Variants in PIK3CA observed in about 807,000 individuals in gnomAD.
The protein encoded by PIK3CA is phosphatidylinositol 4,5-bisphosphate 3-kinase catalytic subunit alpha isoform.
PIK3CA carries 27 observed loss-of-function variants against 138.2 expected under a neutral mutation model. The ratio of observed to expected loss-of-function variants is 0.20; its 90% CI spans 0.14 to 0.27. The LOEUF (loss-of-function observed/expected upper bound fraction) is 0.27. Ranked by LOEUF, PIK3CA falls within the 10% of genes least tolerant of loss-of-function variation. PIK3CA has a pLI of 1.00. For missense variants in PIK3CA, 544 were observed against 1,277.4 expected (o/e 0.43, Z 8.75); for synonymous variants, 358 against 413.2 (o/e 0.87, Z 1.62).
Position 179,224,061 on chromosome 3 carries a change from T to A in PIK3CA, c.2188-20T>A, listed in dbSNP as rs934909491. 4 of 1,350,284 alleles carry A rather than the reference T, an allele frequency of 3.0e-6. No homozygotes were observed. The African/African-American group carries it at 5.8e-5, about 20-fold the overall frequency. 83.6% of individuals were successfully genotyped at this position (1,350,284 alleles called of 1,614,324 possible). Reference sequence around the variant, plus strand: ...TATTAAGTCAGTTTCTTACTGTGACTATCCTTTTTTTTTAATCAGGTACAG... The same window carrying A: ...TATTAAGTCAGTTTCTTACTGTGACAATCCTTTTTTTTTAATCAGGTACAG... On this transcript the variant is annotated intron_variant, in intron 14 of 20. Coordinates refer to ENST00000263967, the MANE Select transcript of PIK3CA (RefSeq NM_006218.4).
intron 6 of PIK3CA, among the ~76,000 whole-genome samples, chr3:179,205,213 A>G (rs576819338): frequency 5.7e-4 from 87 of 151,966 alleles, no homozygotes; most frequent in Non-Finnish European, 1.1e-3. Context: ...CTCAAAATAT[A>G]TATATATTTT....
At chr3:179,191,772 G>A (rs1376951646) in intron 1 of PIK3CA, among the ~76,000 whole-genome samples, 4 of 152,054 alleles carry the variant, frequency 2.6e-5, no homozygotes, top group African/African-American at 9.7e-5. Flanking sequence ...AAGTAGCTGG[G>A]ATTACAGGCT....
At chr3:179,223,145 G>T (rs1439638260) in intron 14 of PIK3CA, among the ~76,000 whole-genome samples, 1 of 152,202 alleles carries the variant, frequency 6.6e-6, no homozygotes, top group Non-Finnish European at 1.5e-5. Context: ...AGTTGTCAGT[G>T]ATAGAAATGC....
intron 1 of PIK3CA, among the ~76,000 whole-genome samples, chr3:179,151,665 C>A (rs918054665): frequency 1.3e-5 from 2 of 152,082 alleles, no homozygotes; most frequent in Non-Finnish European, 2.9e-5. Flanking sequence ...TATATTTGGT[C>A]CTTGCTTCTT....
chr3:179,160,069 G>A (rs570316508), intron 1 of PIK3CA, among the ~76,000 whole-genome samples: 3 of 152,176 alleles, frequency 2.0e-5, no homozygotes, highest in African/African-American at 7.2e-5. Flanking sequence ...GAAGGCCCAC[G>A]ACATTACTAC....
rs114021154 is a variant in PIK3CA, at chr3:179,154,029, G to A, written c.-77+5426G>A. On this transcript the variant is annotated intron_variant, in intron 1 of 20. Coordinates refer to ENST00000263967, the MANE Select transcript of PIK3CA (RefSeq NM_006218.4). ...TTGATCCTGGTTAAGGACTTTTTAG[G>A]TGTTCTTTCTTTCCCTCTCTACCTA... Among the ~76,000 whole-genome samples the A allele has an allele frequency of 8.0e-3, 1,223 of 152,208 alleles. 11 individuals carry two copies. The highest frequency in any genetic ancestry group is 0.013 in the Non-Finnish European group (892 of 67,998).
chr3:179,226,306 A>G (rs1214841564), intron 17 of PIK3CA, among the ~76,000 whole-genome samples: 2 of 152,166 alleles, frequency 1.3e-5, no homozygotes, highest in Non-Finnish European at 2.9e-5. Flanking sequence ...GACAAAGGAG[A>G]CACAAAAGAC....
At position 179,226,184 on chromosome 3, in the gene PIK3CA, G is replaced by T. The variant is rs9823044; in HGVS notation, c.2495+144G>T. The stretch of plus-strand genomic sequence containing the variant: ...GTAGTTGATTACACTATAGTACTTT[G>T]ACATATCCTCCTCTTACTTAGAATA... On this transcript the variant is annotated intron_variant, in intron 17 of 20. Transcript: ENST00000263967. 34,044 of 425,122 alleles carry T rather than the reference G, an allele frequency of 0.08. 2,026 individuals carry two copies. Among genetic ancestry groups the T allele is most frequent in the African/African-American group, 0.3 (10,640 of 35,878 alleles). 26.3% of individuals were successfully genotyped at this position (425,122 alleles called of 1,614,324 possible).
intron 1 of PIK3CA, among the ~76,000 whole-genome samples, chr3:179,167,682 G>A (rs1025995033): frequency 6.6e-5 from 10 of 152,094 alleles, no homozygotes; most frequent in African/African-American, 1.7e-4. Context: ...TTACAACCAA[G>A]TAGAGTGCTA....
intron 4 of PIK3CA, among the ~76,000 whole-genome samples, chr3:179,202,929 T>A (rs1418230077): frequency 6.7e-6 from 1 of 149,422 alleles, no homozygotes; most frequent in South Asian, 2.1e-4. Context: ...ATGAGTATCC[T>A]GTGATCCTTG....
At chr3:179,222,685 G>A (rs1046526657) in intron 14 of PIK3CA, among the ~76,000 whole-genome samples, 6 of 152,256 alleles carry the variant, frequency 3.9e-5, no homozygotes, top group Admixed American at 1.3e-4. Context: ...TGGGAGCTGC[G>A]GCTCGCTGCT....
intron 1 of PIK3CA, among the ~76,000 whole-genome samples, chr3:179,150,038 G>T (rs1203237342): frequency 2.7e-5 from 4 of 148,514 alleles, no homozygotes; most frequent in Admixed American, 6.7e-5. Flanking sequence ...CCTTTTAACT[G>T]AAGCACTGAG....
intron 1 of PIK3CA, among the ~76,000 whole-genome samples, chr3:179,171,569 G>C (rs991998067): frequency 6.6e-6 from 1 of 151,988 alleles, no homozygotes; most frequent in Admixed American, 6.6e-5. Flanking sequence ...TATTACTACA[G>C]ATACTATAAA....
In PIK3CA at chr3:179,224,704, G is replaced by A; in HGVS notation, c.2299G>A (p.Glu767Lys). The change falls in exon 16 of 21, where the codon GAA becomes AAA. Residue 767 changes from glutamate to lysine, a missense_variant. By Grantham distance (56) the Glu-to-Lys change is moderately conservative (BLOSUM62 1). This residue lies in a region of PIK3CA where 35 missense variants were observed against 49.4 expected (regional missense o/e 0.71). Coordinates refer to ENST00000263967, the MANE Select transcript of PIK3CA (RefSeq NM_006218.4). Reference sequence around the variant, plus strand: ...AAGTTTTTAACTATTTTAAAGGCTTGAAGAGTGTCGAATTATGTCCTCTGC... The same window carrying A: ...AAGTTTTTAACTATTTTAAAGGCTTAAAGAGTGTCGAATTATGTCCTCTGC... ...PAHQLGNLRL[E>K]ECRIMSSAKR... 6.2e-7 allele frequency: 1 copy of A among 1,603,502 alleles called. No individual in the cohort carries two copies. Among genetic ancestry groups the A allele is most frequent in the Non-Finnish European group, 8.5e-7 (1 of 1,172,254 alleles).
rs9838117 is a variant in PIK3CA, at chr3:179,234,719, G to T, written c.*355G>T. ...AATGATGGAGAAGGAAAAAGTGATGGTTTTTTTTGTCTTGCAAATGTTCTA... is the reference window on the plus strand; with the variant it reads ...AATGATGGAGAAGGAAAAAGTGATGTTTTTTTTTGTCTTGCAAATGTTCTA... On this transcript the variant is annotated 3_prime_UTR_variant, in exon 21 of 21. Coordinates refer to ENST00000263967, the MANE Select transcript of PIK3CA (RefSeq NM_006218.4). This position sits in a 1 kb window ranked among gnomAD's most constrained non-coding sequence, Gnocchi z 5.1. The T allele has an allele frequency of 0.29, 69,281 of 241,382 alleles. 11,236 individuals carry two copies. The highest frequency in any genetic ancestry group is 0.48 in the African/African-American group (21,763 of 45,556). 15.0% of individuals were successfully genotyped at this position (241,382 alleles called of 1,614,324 possible). A position where few individuals can be genotyped will look rare whatever the true frequency, so the allele number is the denominator to read the frequency against.
rs993117674 is a variant in PIK3CA at position 179,219,332 on chromosome 3, T to C, written c.1746+55T>C. On this transcript the variant is annotated intron_variant, in intron 11 of 20. Transcript: ENST00000263967. The surrounding 1 kb of genome is among the most constrained non-coding windows in gnomAD (Gnocchi z 4.2). ...CTGTTGTACAAATTGGTATGTCACT[T>C]AAATTGTTTTCTCTCAGAAAGTCCA... 1 of 1,071,858 alleles carries C rather than the reference T, an allele frequency of 9.3e-7. No homozygotes were observed. Among genetic ancestry groups the C allele is most frequent in the African/African-American group, 1.6e-5 (1 of 64,326 alleles). The allele number at this position is 1,071,858 out of a possible 1,614,324, so 66.4% of individuals were successfully genotyped here.
chr3:179,148,890 T>C (rs1203351458), intron 1 of PIK3CA, among the ~76,000 whole-genome samples: 1 of 151,936 alleles, frequency 6.6e-6, no homozygotes, highest in Non-Finnish European at 1.5e-5. Context: ...ACGGGGCGGC[T>C]GGAGGTTGAG....
chr3:179,202,802 C>CA (rs1724449079), intron 4 of PIK3CA, among the ~76,000 whole-genome samples: 1 of 151,896 alleles, frequency 6.6e-6, no homozygotes, highest in South Asian at 2.1e-4. Flanking sequence ...AATGTTTGGA[C>CA]AAAAAAGCAA....
chr3:179,194,153 T>C (rs190545378), intron 1 of PIK3CA, among the ~76,000 whole-genome samples: 5 of 152,354 alleles, frequency 3.3e-5, no homozygotes, highest in African/African-American at 7.2e-5. Context: ...TTTAAAGAAA[T>C]CTGAGAGAAT....
Sources: gnomAD v4.1 joint callset for allele counts (sites outside exome capture counted in the v4.1 genomes callset) on GRCh38, gnomAD v4.1.1 for gene constraint, gnomAD v4.1.1 regional missense constraint, Gnocchi (gnomAD v3.1) non-coding constraint, MANE v1.5 for transcripts, NCBI Gene and HGNC (gene_info 2026-07-23, HGNC 2026-07-21) for gene names.